Variants in GPATCH2 observed in about 807,000 individuals in gnomAD.
The protein encoded by GPATCH2 is G patch domain-containing protein 2.
In GPATCH2, 51 loss-of-function variants were observed where a neutral mutation model predicts 58.0. That is an observed-to-expected ratio of 0.88 (90% CI 0.70 to 1.11). The LOEUF (loss-of-function observed/expected upper bound fraction) is 1.11. Ranked by LOEUF, GPATCH2 falls within the 50% of genes most tolerant of loss-of-function variation. The probability of loss-of-function intolerance (pLI) is 0.00; values close to 1 mark genes in which losing one functional copy is unlikely to be tolerated. For missense variants in GPATCH2, 625 were observed against 652.2 expected, an observed-to-expected ratio of 0.96 and a Z score of 0.45; for synonymous variants, 222 against 218.5, an observed-to-expected ratio of 1.02 and a Z score of -0.14.
Position 217,447,989 on chromosome 1 carries a change from T to C in GPATCH2, c.1366+1260A>G, listed in dbSNP as rs566857863. 1.1e-3 allele frequency among the ~76,000 whole-genome samples: 162 copies of C among 151,718 alleles called. 1 individual carries two copies. The highest frequency in any genetic ancestry group is 3.6e-3 in the African/African-American group (148 of 41,318). On this transcript the variant is annotated intron_variant, in intron 9 of 9. Transcript: ENST00000366935. ...GGTGGGCGCCCATAATCCCAACCAC[T>C]TGGGAGGCTGAGGCAGGAGAATCGC...
chr1:217,431,116 G>T lies in GPATCH2; in HGVS notation c.*29C>A. ...AGAACAATGGGACATAGTGAATAAA[G>T]TCTGTAAAACATTTCTTCTTTGCTT... On this transcript the variant is annotated 3_prime_UTR_variant, in exon 10 of 10. Transcript: ENST00000366935. 9.4e-7 allele frequency: 1 copy of T among 1,059,946 alleles called. No individual in the cohort carries two copies. The highest frequency in any genetic ancestry group is 1.5e-6 in the Non-Finnish European group (1 of 673,462). The allele number at this position is 1,059,946 out of a possible 1,614,324, so 65.7% of individuals were successfully genotyped here.
At chr1:217,535,053 C>T (rs1411156948) in intron 5 of GPATCH2, among the ~76,000 whole-genome samples, 3 of 152,126 alleles carry the variant, frequency 2.0e-5, no homozygotes, top group African/African-American at 4.8e-5. Context: ...TGGAAAAATG[C>T]CTGGCACATA....
chr1:217,507,095 T>A (rs1662600124), intron 6 of GPATCH2, among the ~76,000 whole-genome samples: 1 of 152,224 alleles, frequency 6.6e-6, no homozygotes, highest in South Asian at 2.1e-4. Flanking sequence ...TATTCACTAC[T>A]GTACACCCGG....
At chr1:217,569,513 G>A (rs1387250674) in intron 5 of GPATCH2, among the ~76,000 whole-genome samples, 1 of 151,706 alleles carries the variant, frequency 6.6e-6, no homozygotes, top group Non-Finnish European at 1.5e-5. Context: ...CGGCTAACGT[G>A]GCGAAACCCC....
chr1:217,504,387 G>A (rs1394596757), intron 6 of GPATCH2, among the ~76,000 whole-genome samples: 3 of 152,098 alleles, frequency 2.0e-5, no homozygotes, highest in Non-Finnish European at 4.4e-5. Context: ...ATCCACTAAA[G>A]CTATTATATT....
chr1:217,508,988 A>C (rs1662703785), intron 6 of GPATCH2, among the ~76,000 whole-genome samples: 7 of 152,180 alleles, frequency 4.6e-5, no homozygotes, highest in Admixed American at 4.6e-4. Flanking sequence ...ATTTTATTAA[A>C]ATGATCGCGT....
At chr1:217,458,975 C>A (rs1479061586) in intron 8 of GPATCH2, among the ~76,000 whole-genome samples, 1 of 152,032 alleles carries the variant, frequency 6.6e-6, no homozygotes, top group East Asian at 1.9e-4. Flanking sequence ...GGCAAAGAAC[C>A]ATGTCTAATT....
chr1:217,576,256 T>A (rs1425809190), intron 5 of GPATCH2, among the ~76,000 whole-genome samples: 3 of 152,162 alleles, frequency 2.0e-5, no homozygotes, highest in African/African-American at 7.2e-5. Context: ...ATTGAACCAG[T>A]GATGACACAC....
At chr1:217,533,938 AG>A (rs1391549982) in intron 5 of GPATCH2, among the ~76,000 whole-genome samples, 1 of 152,188 alleles carries the variant, frequency 6.6e-6, no homozygotes, top group East Asian at 1.9e-4. Context: ...TCTTACAGCC[AG>A]GCATGGTGGC....
chr1:217,475,185 T>G (rs1180878709), intron 8 of GPATCH2, among the ~76,000 whole-genome samples: 1 of 152,172 alleles, frequency 6.6e-6, no homozygotes, highest in Non-Finnish European at 1.5e-5. Context: ...ATGCTTGCAA[T>G]CTCAGTACTT....
intron 5 of GPATCH2, chr1:217,609,296 G>A: frequency 1.0e-6 from 1 of 985,058 alleles, no homozygotes; most frequent in Non-Finnish European, 1.2e-6. Context: ...TGTACAAGCA[G>A]CTCTCACTTT....
At chr1:217,434,529 G>A (rs1421556947) in intron 9 of GPATCH2, among the ~76,000 whole-genome samples, 1 of 152,150 alleles carries the variant, frequency 6.6e-6, no homozygotes, top group Non-Finnish European at 1.5e-5. Context: ...TGATTGCCAT[G>A]AATTAATTTA....
At chr1:217,527,674 G>A (rs906922242) in intron 5 of GPATCH2, among the ~76,000 whole-genome samples, 1 of 152,088 alleles carries the variant, frequency 6.6e-6, no homozygotes, top group African/African-American at 2.4e-5. Flanking sequence ...TGTACACCAA[G>A]CTCAATCCCT....
At chr1:217,526,022 C>G (rs141923518) in intron 5 of GPATCH2, among the ~76,000 whole-genome samples, 2 of 152,194 alleles carry the variant, frequency 1.3e-5, no homozygotes, top group East Asian at 3.9e-4. Flanking sequence ...ACTTTTTGAA[C>G]TGGGTATTAT....
chr1:217,489,510 CTTTTA>C (rs1184083466), intron 8 of GPATCH2, among the ~76,000 whole-genome samples: 1 of 152,172 alleles, frequency 6.6e-6, no homozygotes, highest in Non-Finnish European at 1.5e-5. Context: ...ATTTTATTTT[CTTTTA>C]TTTATTTTCT....
chr1:217,563,512 T>C (rs1157411232), intron 5 of GPATCH2, among the ~76,000 whole-genome samples: 6 of 152,008 alleles, frequency 3.9e-5, no homozygotes, highest in Admixed American at 6.6e-5. Context: ...AAGAAAGAAA[T>C]CTAAGTAAGA....
intron 5 of GPATCH2, among the ~76,000 whole-genome samples, chr1:217,551,024 CTG>C (rs1277149154): frequency 3.3e-5 from 5 of 151,334 alleles, no homozygotes; most frequent in African/African-American, 1.2e-4. Flanking sequence ...CACTATAAAT[CTG>C]TTAAAAATTC....
At chr1:217,630,165 A>G (rs1669676023) in intron 1 of GPATCH2, among the ~76,000 whole-genome samples, 4 of 152,232 alleles carry the variant, frequency 2.6e-5, no homozygotes, top group African/African-American at 9.6e-5. Flanking sequence ...TCCCCAAATC[A>G]GGATTCTAGC....
At chr1:217,607,849 C>T (rs958827450) in intron 5 of GPATCH2, among the ~76,000 whole-genome samples, 9 of 152,136 alleles carry the variant, frequency 5.9e-5, no homozygotes, top group Non-Finnish European at 1.3e-4. Flanking sequence ...AAAGATACTA[C>T]ATCATTATAT....
Sources: allele counts gnomAD v4.1 joint callset (sites outside exome capture counted in the v4.1 genomes callset), GRCh38; gene constraint gnomAD v4.1.1; transcripts MANE v1.5; gene names NCBI Gene and HGNC (gene_info 2026-07-23, HGNC 2026-07-21).